The following PTPRT variants were observed in gnomAD, a reference collection of about 807,000 sequenced individuals.
PTPRT encodes the protein protein tyrosine phosphatase receptor type T.
A neutral mutation model predicts 176.8 loss-of-function variants in PTPRT; 56 were observed. That is an observed-to-expected ratio of 0.32 (90% CI 0.26 to 0.40). PTPRT has a LOEUF of 0.40. Ranked by LOEUF, PTPRT falls within the 10% of genes least tolerant of loss-of-function variation. The pLI is 1.00. For missense variants in PTPRT, 1,540 were observed against 1,908.2 expected (o/e 0.81, Z 3.60); for synonymous variants, 783 against 739.0 (o/e 1.06, Z -0.96).
chr20:42,753,110 G>C (rs1351494933), intron 6 of PTPRT, among the ~76,000 whole-genome samples: 1 of 152,096 alleles, frequency 6.6e-6, no homozygotes, highest in Admixed American at 6.5e-5. Flanking sequence ...CTGCTTGCCT[G>C]GTACCTGGGC....
At chr20:43,060,824 C>T (rs1313438954) in intron 1 of PTPRT, among the ~76,000 whole-genome samples, 1 of 152,054 alleles carries the variant, frequency 6.6e-6, no homozygotes, top group Non-Finnish European at 1.5e-5. Flanking sequence ...AAGAATTAGA[C>T]TTGTTTGGGA....
chr20:42,633,812 TATATATA>T (rs1345872306), intron 7 of PTPRT, among the ~76,000 whole-genome samples: 1 of 94,126 alleles, frequency 1.1e-5, no homozygotes, highest in Non-Finnish European at 1.9e-5. Context: ...TATATATATA[TATATATA>T]ATAAAATATT....
chr20:42,367,282 A>G (rs1462084140), intron 9 of PTPRT, among the ~76,000 whole-genome samples: 1 of 152,206 alleles, frequency 6.6e-6, no homozygotes, highest in African/African-American at 2.4e-5. Context: ...GAGCTTGAAA[A>G]TTCCTAGCAC....
chr20:43,046,025 A>G (rs557834918), intron 1 of PTPRT, among the ~76,000 whole-genome samples: 17 of 152,270 alleles, frequency 1.1e-4, no homozygotes, highest in African/African-American at 4.1e-4. Flanking sequence ...AAATGGGCTA[A>G]CACAGGGGAG....
intron 7 of PTPRT, among the ~76,000 whole-genome samples, chr20:42,504,929 A>T (rs556544777): frequency 2.4e-4 from 37 of 152,284 alleles, no homozygotes; most frequent in African/African-American, 8.4e-4. Flanking sequence ...AGTTATGCAT[A>T]CACATCTGTG....
intron 7 of PTPRT, among the ~76,000 whole-genome samples, chr20:42,506,971 G>T (rs534631152): frequency 1.3e-5 from 2 of 152,230 alleles, no homozygotes; most frequent in African/African-American, 4.8e-5. Context: ...CAAGGCAGTA[G>T]AAAGAGCAAG....
chr20:42,896,635 C>CAAAAAAAAA, intron 1 of PTPRT, among the ~76,000 whole-genome samples: 1 of 72,342 alleles, frequency 1.4e-5, no homozygotes, highest in Non-Finnish European at 3.1e-5. Flanking sequence ...AACTCCGTCT[C>CAAAAAAAAA]AAAAAAAAAA....
At chr20:42,498,022 T>C (rs987144319) in intron 7 of PTPRT, among the ~76,000 whole-genome samples, 2 of 152,174 alleles carry the variant, frequency 1.3e-5, no homozygotes, top group Non-Finnish European at 2.9e-5. Context: ...CTCTGCTTCT[T>C]TGGAGTGCTT....
chr20:42,386,587 A>G (rs529421590), intron 9 of PTPRT, among the ~76,000 whole-genome samples: 8 of 152,266 alleles, frequency 5.3e-5, no homozygotes, highest in African/African-American at 1.7e-4. Flanking sequence ...ATACCTTCAT[A>G]ACGATCCTGC....
At chr20:42,741,720 T>C (rs919988412) in intron 6 of PTPRT, among the ~76,000 whole-genome samples, 1 of 151,990 alleles carries the variant, frequency 6.6e-6, no homozygotes, top group African/African-American at 2.4e-5. Flanking sequence ...AAGAGTCTTA[T>C]GGTCATGGTT....
At chr20:42,711,260 G>A (rs1020513426) in intron 6 of PTPRT, among the ~76,000 whole-genome samples, 1 of 152,106 alleles carries the variant, frequency 6.6e-6, no homozygotes. Flanking sequence ...TGATATTTGG[G>A]GTCCAGGGGT....
At chr20:42,055,026 T>C in the PTPRT span, among the ~76,000 whole-genome samples, 14,164 of 152,198 alleles carry the variant, frequency 0.093, 1,295 homozygotes, top group African/African-American at 0.24. Context: ...GCATGGCACA[T>C]GTATACATAT....
At chr20:42,323,183 A>T (rs1244674617) in intron 11 of PTPRT, among the ~76,000 whole-genome samples, 1 of 152,250 alleles carries the variant, frequency 6.6e-6, no homozygotes, top group African/African-American at 2.4e-5. Flanking sequence ...CAGTTCAACC[A>T]TTGTAGAAGT....
intron 16 of PTPRT, among the ~76,000 whole-genome samples, chr20:42,179,764 C>G (rs1217000688): frequency 6.6e-6 from 1 of 152,174 alleles, no homozygotes; most frequent in African/African-American, 2.4e-5. Context: ...CTTTGCCAAG[C>G]AGGGCCAAGG....
intron 7 of PTPRT, among the ~76,000 whole-genome samples, chr20:42,605,088 C>T (rs921000403): frequency 6.6e-6 from 1 of 152,166 alleles, no homozygotes; most frequent in South Asian, 2.1e-4. Flanking sequence ...TGGAGTGAGG[C>T]GTGACCCAAG....
chr20:42,909,814 G>C (rs1568675085), intron 1 of PTPRT, among the ~76,000 whole-genome samples: 1 of 152,174 alleles, frequency 6.6e-6, no homozygotes, highest in Non-Finnish European at 1.5e-5. Context: ...CAAGCATGTT[G>C]GATTTCACCT....
chr20:42,291,996 G>A (rs1042262973), intron 12 of PTPRT, among the ~76,000 whole-genome samples: 2 of 152,090 alleles, frequency 1.3e-5, no homozygotes, highest in East Asian at 1.9e-4. Context: ...TGGTATAGTC[G>A]AATGATGAGA....
chr20:42,927,631 G>A (rs1979572431), intron 1 of PTPRT, among the ~76,000 whole-genome samples: 1 of 151,974 alleles, frequency 6.6e-6, no homozygotes, highest in Non-Finnish European at 1.5e-5. Flanking sequence ...AAAAGGAAAG[G>A]GAGCTACTCA....
At chr20:42,758,276 C>CT (rs2076865231) in intron 5 of PTPRT, among the ~76,000 whole-genome samples, 1 of 152,210 alleles carries the variant, frequency 6.6e-6, no homozygotes, top group Non-Finnish European at 1.5e-5. Context: ...ACAGTTTCCC[C>CT]ATGTGCATAA....
Sources: allele counts gnomAD v4.1 joint callset (sites outside exome capture counted in the v4.1 genomes callset), GRCh38; gene constraint gnomAD v4.1.1; transcripts MANE v1.5; gene names NCBI Gene and HGNC (gene_info 2026-07-23, HGNC 2026-07-21).